Variants in MACROD2 observed in about 807,000 individuals in gnomAD.
The protein encoded by MACROD2 is ADP-ribose glycohydrolase MACROD2.
A neutral mutation model predicts 70.4 loss-of-function variants in MACROD2; 36 were observed. The ratio of observed to expected loss-of-function variants is 0.51; its 90% CI spans 0.39 to 0.68. The LOEUF (loss-of-function observed/expected upper bound fraction) is 0.68, where lower values mean the gene tolerates loss of function less well. Among genes scored for constraint, MACROD2 ranks in the 30% least tolerant of loss-of-function variants. MACROD2 has a pLI of 0.00. For missense variants in MACROD2, 496 were observed against 538.4 expected (o/e 0.92, Z 0.78); for synonymous variants, 172 against 178.8 (o/e 0.96, Z 0.30).
intron 5 of MACROD2, among the ~76,000 whole-genome samples, chr20:15,078,360 T>G (rs1232458321): frequency 1.3e-5 from 2 of 152,140 alleles, no homozygotes; most frequent in East Asian, 3.9e-4. Flanking sequence ...GGCTACCCAA[T>G]TTTTCTCACA....
intron 5 of MACROD2, among the ~76,000 whole-genome samples, chr20:14,717,228 A>G (rs145926550): frequency 5.9e-5 from 9 of 152,284 alleles, no homozygotes; most frequent in Admixed American, 5.2e-4. Context: ...TATATTTTCT[A>G]TATTTGGAAG....
At chr20:15,627,992 A>G (rs2049231353) in intron 8 of MACROD2, among the ~76,000 whole-genome samples, 1 of 152,206 alleles carries the variant, frequency 6.6e-6, no homozygotes, top group African/African-American at 2.4e-5. Flanking sequence ...TCTGTGAGAC[A>G]TGTCATGCCA....
chr20:15,801,152 C>T (rs1267226143), intron 8 of MACROD2, among the ~76,000 whole-genome samples: 12 of 147,534 alleles, frequency 8.1e-5, no homozygotes, highest in Admixed American at 4.0e-4. Context: ...CCTGCCAAAT[C>T]CCCCTCTGCG....
chr20:14,960,260 G>C (rs2074571798), intron 5 of MACROD2, among the ~76,000 whole-genome samples: 1 of 152,074 alleles, frequency 6.6e-6, no homozygotes, highest in South Asian at 2.1e-4. Flanking sequence ...TCATTATTCA[G>C]CACATGTTGA....
intron 15 of MACROD2, among the ~76,000 whole-genome samples, chr20:16,016,531 C>A (rs1333988862): frequency 6.6e-6 from 1 of 152,106 alleles, no homozygotes; most frequent in Non-Finnish European, 1.5e-5. Context: ...TTAACCTTTT[C>A]AAAAATGAGG....
chr20:15,369,226 A>G (rs1046021880), intron 6 of MACROD2, among the ~76,000 whole-genome samples: 3 of 152,244 alleles, frequency 2.0e-5, no homozygotes, highest in African/African-American at 7.2e-5. Flanking sequence ...GCTATGTTAT[A>G]AAATGAGAAT....
chr20:14,535,220 T>C (rs951502520), intron 4 of MACROD2, among the ~76,000 whole-genome samples: 3 of 152,134 alleles, frequency 2.0e-5, no homozygotes, highest in Non-Finnish European at 1.5e-5. Flanking sequence ...AGGAGTTATC[T>C]TGGCTGGGCG....
chr20:14,335,362 T>A (rs1289458112), intron 3 of MACROD2, among the ~76,000 whole-genome samples: 1 of 152,214 alleles, frequency 6.6e-6, no homozygotes, highest in Non-Finnish European at 1.5e-5. Context: ...TAACAAAGTC[T>A]GACAGCCACA....
chr20:14,719,658 A>T (rs2071440944), intron 5 of MACROD2, among the ~76,000 whole-genome samples: 1 of 150,986 alleles, frequency 6.6e-6, no homozygotes, highest in African/African-American at 2.4e-5. Flanking sequence ...TGCCCCTCTT[A>T]AAAAAAAATG....
chr20:15,480,433 G>A (rs756366827), intron 7 of MACROD2, among the ~76,000 whole-genome samples: 1 of 152,162 alleles, frequency 6.6e-6, no homozygotes, highest in Non-Finnish European at 1.5e-5. Context: ...TAGGAACTAG[G>A]TCTAAAGTAA....
At chr20:15,878,378 A>C (rs935572588) in intron 9 of MACROD2, among the ~76,000 whole-genome samples, 6 of 152,118 alleles carry the variant, frequency 3.9e-5, no homozygotes, top group African/African-American at 1.4e-4. Flanking sequence ...TTCAGTGTGC[A>C]TGAGTGTCAC....
intron 5 of MACROD2, among the ~76,000 whole-genome samples, chr20:14,963,087 T>C (rs537388701): frequency 1.3e-5 from 2 of 152,276 alleles, no homozygotes; most frequent in South Asian, 4.1e-4. Flanking sequence ...ATAAAAAAAC[T>C]GTACCATACT....
chr20:14,275,696 C>T (rs2082246673), intron 3 of MACROD2, among the ~76,000 whole-genome samples: 1 of 152,124 alleles, frequency 6.6e-6, no homozygotes, highest in Non-Finnish European at 1.5e-5. Context: ...GAACAGACAG[C>T]CTACAGAATG....
At chr20:15,316,946 C>A (rs2077817681) in intron 6 of MACROD2, among the ~76,000 whole-genome samples, 1 of 152,018 alleles carries the variant, frequency 6.6e-6, no homozygotes, top group Admixed American at 6.6e-5. Context: ...AAATAACACA[C>A]TCTTTAATAC....
intron 7 of MACROD2, among the ~76,000 whole-genome samples, chr20:15,475,495 A>G (rs1321589776): frequency 6.6e-6 from 1 of 152,228 alleles, no homozygotes; most frequent in African/African-American, 2.4e-5. Flanking sequence ...TCACATTCAG[A>G]TGGGAGATCA....
At chr20:15,798,744 C>T (rs1378525673) in intron 8 of MACROD2, among the ~76,000 whole-genome samples, 1 of 152,124 alleles carries the variant, frequency 6.6e-6, no homozygotes, top group Non-Finnish European at 1.5e-5. Context: ...GCTCTAGATA[C>T]CTCATTAGAA....
At chr20:14,301,381 A>C (rs1433284585) in intron 3 of MACROD2, among the ~76,000 whole-genome samples, 1 of 152,248 alleles carries the variant, frequency 6.6e-6, no homozygotes, top group African/African-American at 2.4e-5. Flanking sequence ...GATTTATTTC[A>C]ACATAAACTA....
At chr20:14,874,219 A>G (rs1045668142) in intron 5 of MACROD2, among the ~76,000 whole-genome samples, 1 of 152,002 alleles carries the variant, frequency 6.6e-6, no homozygotes, top group Non-Finnish European at 1.5e-5. Flanking sequence ...TAATTGTACA[A>G]AAATCACAGA....
At chr20:14,295,000 C>T (rs1383026415) in intron 3 of MACROD2, among the ~76,000 whole-genome samples, 1 of 151,752 alleles carries the variant, frequency 6.6e-6, no homozygotes, top group African/African-American at 2.4e-5. Flanking sequence ...ACTGACTCAT[C>T]ATCCAACTTA....
Sources: gnomAD v4.1 joint callset for allele counts (sites outside exome capture counted in the v4.1 genomes callset) on GRCh38, gnomAD v4.1.1 for gene constraint, MANE v1.5 for transcripts, NCBI Gene and HGNC (gene_info 2026-07-23, HGNC 2026-07-21) for gene names.